PUS7L: variants seen among roughly 807,000 people sequenced by gnomAD.
The protein encoded by PUS7L is pseudouridine synthase 7 like, also known as pseudouridylate synthase PUS7L.
PUS7L carries 49 observed loss-of-function variants against 51.1 expected under a neutral mutation model. That is an observed-to-expected ratio of 0.96 (90% confidence interval 0.76 to 1.22). The LOEUF is 1.22. PUS7L is among the 50% of genes most tolerant of loss of function. The probability of loss-of-function intolerance (pLI) is 0.00; values close to 1 mark genes in which losing one functional copy is unlikely to be tolerated. For missense variants in PUS7L, 828 were observed against 820.6 expected, an observed-to-expected ratio of 1.01 and a Z score of -0.11; for synonymous variants, 277 against 276.2, an observed-to-expected ratio of 1.00 and a Z score of -0.03.
At chr12:43,757,518 C>A (rs777000140) in intron 1 of PUS7L, among the ~76,000 whole-genome samples, 8 of 152,168 alleles carry the variant, frequency 5.3e-5, no homozygotes, top group Non-Finnish European at 1.0e-4. Flanking sequence ...CATAGCAGTT[C>A]TAGGTAAAGT....
In PUS7L at chr12:43,729,030, T is replaced by A. The variant is rs774414815; in HGVS notation, c.*1346A>T. 2.1e-5 allele frequency: 8 copies of A among 380,556 alleles called. No homozygotes were observed. Among genetic ancestry groups the A allele is most frequent in the Non-Finnish European group, 3.7e-5 (8 of 214,356 alleles). 23.6% of individuals were successfully genotyped at this position (380,556 alleles called of 1,614,324 possible). On this transcript the variant is annotated 3_prime_UTR_variant, in exon 9 of 9. Coordinates refer to ENST00000344862, the MANE Select transcript of PUS7L (RefSeq NM_031292.5). ...TTTGTGAAAGATGAATTCAGAGTAT[T>A]ATTGCAGTTGTAACATATGTGTTCT...
chr12:43,747,844 A>G (rs1389556867), intron 3 of PUS7L, among the ~76,000 whole-genome samples: 3 of 152,164 alleles, frequency 2.0e-5, no homozygotes, highest in Non-Finnish European at 4.4e-5. Context: ...GCTGGAGTGC[A>G]GTTGCATGAT....
Position 43,754,985 on chromosome 12 carries a change from T to C in PUS7L, c.261A>G (p.Glu87=), listed in dbSNP as rs778711580. 1.2e-6 allele frequency: 2 copies of C among 1,613,332 alleles called. No individual in the cohort carries two copies. Among genetic ancestry groups the C allele is most frequent in the Non-Finnish European group, 8.5e-7 (1 of 1,179,656 alleles). The change falls in exon 2 of 9, where the codon GAA becomes GAG. Residue 87 remains glutamate, a synonymous_variant. Transcript: ENST00000344862. ...NLSLEDGRNQ[E]VHTLIKYTDG... ...CAGTGTACTTAATCAAAGTATGAAC[T>C]TCTTGGTTTCTTCCATCTTCTAAGG... is the stretch of plus-strand genomic sequence containing the variant.
Position 43,742,456 on chromosome 12 carries a change from C to A in PUS7L, c.1362+1G>T. On this transcript the variant is annotated splice_donor_variant, in intron 5 of 8. Coordinates refer to ENST00000344862, the MANE Select transcript of PUS7L (RefSeq NM_031292.5). LOFTEE classifies it high-confidence loss of function. Reference sequence around the variant, plus strand: ...AAGATTACATTTTTCAAAATCCATACCATTTCATTCTTCAGCAAAGCTAGT... The same window carrying A: ...AAGATTACATTTTTCAAAATCCATAACATTTCATTCTTCAGCAAAGCTAGT... 3 of 1,596,706 alleles carry A rather than the reference C, an allele frequency of 1.9e-6. No homozygotes were observed. Among genetic ancestry groups the A allele is most frequent in the Non-Finnish European group, 2.6e-6 (3 of 1,168,354 alleles).
At chr12:43,744,163 AAC>A (rs912333340) in intron 4 of PUS7L, among the ~76,000 whole-genome samples, 27 of 152,368 alleles carry the variant, frequency 1.8e-4, no homozygotes, top group African/African-American at 6.0e-4. Context: ...TCATTTTAGT[AAC>A]AGTTTTTGAG....
chr12:43,746,196 A>T lies in PUS7L; in HGVS notation c.1113T>A (p.Asn371Lys). 1 of 1,379,026 alleles carries T rather than the reference A, an allele frequency of 7.3e-7. No homozygotes were observed. Among genetic ancestry groups the T allele is most frequent in the Non-Finnish European group, 1.0e-6 (1 of 989,884 alleles). 85.4% of individuals were successfully genotyped at this position (1,379,026 alleles called of 1,614,324 possible). A position where few individuals can be genotyped will look rare whatever the true frequency, so the allele number is the denominator to read the frequency against. The change falls in exon 4 of 9, where the codon AAT becomes AAA. Residue 371 changes from asparagine to lysine, a missense_variant. Physicochemically the swap from Asn to Lys is moderately conservative, Grantham distance 94. Transcript: ENST00000344862. ...CATCTACAGACCGAATATTAAAGACATTCATTCTTTTCTTTTCAATTTCTT... is the reference window on the plus strand; with the variant it reads ...CATCTACAGACCGAATATTAAAGACTTTCATTCTTTTCTTTTCAATTTCTT... ...IEKEIEKKRM[N>K]VFNIRSVDDS...
Position 43,746,219 on chromosome 12 carries a change from C to A in PUS7L, c.1090G>T (p.Glu364Ter), listed in dbSNP as rs746415126. 16 of 1,380,320 alleles carry A rather than the reference C, an allele frequency of 1.2e-5. No homozygotes were observed. In the Admixed American group the frequency reaches 3.2e-4, roughly 27 times the overall value. 85.5% of individuals were successfully genotyped at this position (1,380,320 alleles called of 1,614,324 possible). Residue 364 changes from glutamate to a stop codon, truncating the protein, a stop_gained, in exon 4 of 9, where the codon GAA becomes TAA. Coordinates refer to ENST00000344862, the MANE Select transcript of PUS7L (RefSeq NM_031292.5). LOFTEE classifies it high-confidence loss of function. ...ACATTCATTCTTTTCTTTTCAATTT[C>A]TTTTTCAATATTTTTCAACCTGTAA... The part of the protein sequence containing the change: ...TPERLKNIEK[E>*]IEKKRMNVFN...
rs1320390761 is a variant in PUS7L, at chr12:43,727,177, C to T, written c.*3199G>A. ...GTCAGAATGGCTGTTATTAAAAAGT[C>T]AAAAAATAACAGATGTTGGGGAGGC... On this transcript the variant is annotated 3_prime_UTR_variant, in exon 9 of 9. Transcript: ENST00000344862. 6.6e-6 allele frequency: 1 copy of T among 151,958 alleles called. No individual in the cohort carries two copies. The highest frequency in any genetic ancestry group is 6.6e-5 in the Admixed American group (1 of 15,246). The allele number at this position is 151,958 out of a possible 1,614,324, so 9.4% of individuals were successfully genotyped here.
chr12:43,743,470 A>G (rs533467097), intron 4 of PUS7L, among the ~76,000 whole-genome samples: 1 of 152,386 alleles, frequency 6.6e-6, no homozygotes, highest in South Asian at 2.1e-4. Flanking sequence ...GTCATTTAAA[A>G]AATTAATTGC....
intron 4 of PUS7L, among the ~76,000 whole-genome samples, chr12:43,745,710 A>G (rs965931270): frequency 2.7e-5 from 4 of 150,130 alleles, no homozygotes; most frequent in Non-Finnish European, 6.0e-5. Context: ...TTTCCAAACA[A>G]TAAATTCCCC....
Position 43,731,872 on chromosome 12 carries a change from T to G in PUS7L, c.1726-114A>C. 4.6e-6 allele frequency: 3 copies of G among 645,294 alleles called. No homozygotes were observed. In the South Asian group the frequency reaches 5.6e-5, roughly 12 times the overall value. 40.0% of individuals were successfully genotyped at this position (645,294 alleles called of 1,614,324 possible). On this transcript the variant is annotated intron_variant, in intron 7 of 8. Coordinates refer to ENST00000344862, the MANE Select transcript of PUS7L (RefSeq NM_031292.5). Reference sequence around the variant, plus strand: ...AATCAGTTCCTATGCTGAATATACATAAACCCAAACAAGATCTTATCATAA... The same window carrying G: ...AATCAGTTCCTATGCTGAATATACAGAAACCCAAACAAGATCTTATCATAA...
rs1235042734 is a variant in PUS7L at position 43,722,549 on chromosome 12, TATTCG to T, written c.*7822_*7826del. ...TTATTATTTACATAGAATAAAAATG[TATTCG>T]ATTCCTTTGCGATATTTTATAGAAA... is the stretch of plus-strand genomic sequence containing the variant. On this transcript the variant is annotated 3_prime_UTR_variant, in exon 9 of 9. Transcript: ENST00000344862. 6.6e-6 allele frequency: 1 copy of T among 152,150 alleles called. No homozygotes were observed. Among genetic ancestry groups the T allele is most frequent in the African/African-American group, 2.4e-5 (1 of 41,454 alleles). 9.4% of individuals were successfully genotyped at this position (152,150 alleles called of 1,614,324 possible). A position where few individuals can be genotyped will look rare whatever the true frequency, so the allele number is the denominator to read the frequency against.
At chr12:43,753,929 C>T (rs1938571291) in intron 2 of PUS7L, among the ~76,000 whole-genome samples, 1 of 152,140 alleles carries the variant, frequency 6.6e-6, no homozygotes, top group Non-Finnish European at 1.5e-5. Flanking sequence ...TATCTCTTCA[C>T]TTTCCCAAGC....
rs375963191 is a variant in PUS7L at position 43,746,052 on chromosome 12, A to G, written c.1257T>C (p.Asn419=). The change falls in exon 4 of 9, where the codon AAT becomes AAC. Residue 419 remains asparagine, a synonymous_variant. Transcript: ENST00000344862. ...TAAAATTAAGTTTTCTTACCTTAAC[A>G]TTTTCTATTGCTTCCATAATTCTCT... The part of the protein sequence containing the change: ...LRERIMEAIE[N]VKKKGFVNYY... 8.1e-6 allele frequency: 12 copies of G among 1,473,472 alleles called. No individual in the cohort carries two copies. In the African/African-American group the frequency reaches 1.7e-4, roughly 21 times the overall value. 91.3% of individuals were successfully genotyped at this position (1,473,472 alleles called of 1,614,324 possible).
intron 6 of PUS7L, among the ~76,000 whole-genome samples, chr12:43,737,410 C>T (rs989934188): frequency 4.6e-5 from 7 of 151,574 alleles, no homozygotes; most frequent in Non-Finnish European, 7.4e-5. Flanking sequence ...TACTTTCCTG[C>T]GAATAGCTGC....
In PUS7L at chr12:43,726,728, TG is replaced by T. The variant is rs1944459668; in HGVS notation, c.*3647del. On this transcript the variant is annotated 3_prime_UTR_variant, in exon 9 of 9. Transcript: ENST00000344862. Reference sequence around the variant, plus strand: ...TTGTAATCCCAGCTACTTGAGAGGCTGGGGCAGGAGAATGGCTTGAACCCAG... The same window carrying T: ...TTGTAATCCCAGCTACTTGAGAGGCTGGGCAGGAGAATGGCTTGAACCCAG... 1 of 151,706 alleles carries T rather than the reference TG, an allele frequency of 6.6e-6. No individual in the cohort carries two copies. The highest frequency in any genetic ancestry group is 2.4e-5 in the African/African-American group (1 of 41,166). The allele number at this position is 151,706 out of a possible 1,614,324, so 9.4% of individuals were successfully genotyped here.
chr12:43,748,064 T>C (rs1421517262), intron 3 of PUS7L, among the ~76,000 whole-genome samples: 1 of 152,214 alleles, frequency 6.6e-6, no homozygotes, highest in Non-Finnish European at 1.5e-5. Flanking sequence ...ACTGTGATTA[T>C]AGGCGTAAGC....
At chr12:43,740,484 G>C (rs1337002386) in intron 5 of PUS7L, among the ~76,000 whole-genome samples, 2 of 152,232 alleles carry the variant, frequency 1.3e-5, no homozygotes, top group Admixed American at 6.5e-5. Flanking sequence ...GGAAGCCCAA[G>C]ATGATTCAGG....
Position 43,755,269 on chromosome 12 carries a change from A to C in PUS7L, c.-16-8T>G, listed in dbSNP as rs1323515059. The stretch of plus-strand genomic sequence containing the variant: ...ATTCTTCTATAACAGTGCCTAGAAA[A>C]CAAAACAAAGAGGTGGTTAGTTAAC... On this transcript the variant is annotated splice_polypyrimidine_tract_variant and splice_region_variant and intron_variant, in intron 1 of 8. Coordinates refer to ENST00000344862, the MANE Select transcript of PUS7L (RefSeq NM_031292.5). 15 of 1,515,086 alleles carry C rather than the reference A, an allele frequency of 9.9e-6. No homozygotes were observed. Among genetic ancestry groups the C allele is most frequent in the Non-Finnish European group, 1.3e-5 (15 of 1,125,748 alleles). 93.9% of individuals were successfully genotyped at this position (1,515,086 alleles called of 1,614,324 possible). A position where few individuals can be genotyped will look rare whatever the true frequency, so the allele number is the denominator to read the frequency against.
Sources: gnomAD v4.1 joint callset for allele counts (sites outside exome capture counted in the v4.1 genomes callset) on GRCh38, gnomAD v4.1.1 for gene constraint, MANE v1.5 for transcripts, NCBI Gene and HGNC (gene_info 2026-07-23, HGNC 2026-07-21) for gene names.